Variants in FER1L6 observed in about 807,000 individuals in gnomAD.
FER1L6 encodes fer-1-like protein 6.
A neutral mutation model predicts 219.2 loss-of-function variants in FER1L6; 177 were observed. The observed-to-expected ratio is 0.81, with a 90% CI of 0.71 to 0.91. The LOEUF (loss-of-function observed/expected upper bound fraction) is 0.91. Ranked by LOEUF, FER1L6 falls within the 40% of genes least tolerant of loss-of-function variation. The pLI, the probability that FER1L6 is intolerant of heterozygous loss-of-function variation, is 0.00. For synonymous variants in FER1L6, 768 were observed against 824.3 expected, an observed-to-expected ratio of 0.93 and a Z score of 1.17; for missense variants, 2,153 against 2,259.9, an observed-to-expected ratio of 0.95 and a Z score of 0.96.
At chr8:123,949,869 G>A (rs1222025866) in intron 1 of FER1L6, among the ~76,000 whole-genome samples, 3 of 152,172 alleles carry the variant, frequency 2.0e-5, no homozygotes, top group African/African-American at 7.2e-5. Context: ...CAATATATGG[G>A]AGGAAGAAGG....
chr8:124,106,867 T>C (rs998105256), intron 39 of FER1L6, among the ~76,000 whole-genome samples: 2 of 152,112 alleles, frequency 1.3e-5, no homozygotes, highest in African/African-American at 4.8e-5. Context: ...TAGCACATAA[T>C]ACTCAAATAT....
chr8:123,900,910 T>G (rs1812844545), intron 1 of FER1L6, among the ~76,000 whole-genome samples: 1 of 152,184 alleles, frequency 6.6e-6, no homozygotes, highest in South Asian at 2.1e-4. Context: ...TAGCTAGTAT[T>G]TTGTTAAGGA....
intron 39 of FER1L6, among the ~76,000 whole-genome samples, chr8:124,107,629 G>A (rs1309299028): frequency 2.6e-5 from 4 of 152,116 alleles, no homozygotes; most frequent in Non-Finnish European, 5.9e-5. Flanking sequence ...CAGAGCCTAG[G>A]TATGTCAGGT....
chr8:124,039,621 G>T (rs1327485432), intron 19 of FER1L6, among the ~76,000 whole-genome samples: 2 of 152,150 alleles, frequency 1.3e-5, no homozygotes, highest in South Asian at 2.1e-4. Context: ...ATGCTATTTC[G>T]CATGGTTTTA....
At chr8:123,998,792 T>C (rs1817266057) in intron 12 of FER1L6, among the ~76,000 whole-genome samples, 1 of 152,164 alleles carries the variant, frequency 6.6e-6, no homozygotes, top group African/African-American at 2.4e-5. Context: ...TTCTTTCCAC[T>C]CTTCTCTCTC....
At chr8:124,015,571 C>CTATATATA (rs781161909) in intron 15 of FER1L6, among the ~76,000 whole-genome samples, 485 of 43,184 alleles carry the variant, frequency 0.011, 13 homozygotes, top group Non-Finnish European at 0.018. Flanking sequence ...ATTATAAAAG[C>CTATATATA]TATATATATA....
intron 1 of FER1L6, among the ~76,000 whole-genome samples, chr8:123,855,689 G>A (rs1403433801): frequency 1.9e-5 from 2 of 106,014 alleles, no homozygotes; most frequent in Non-Finnish European, 3.7e-5. Flanking sequence ...ATATGTGTGT[G>A]TGTGTGTGTG....
At chr8:124,074,523 A>G (rs1563783481) in intron 31 of FER1L6, among the ~76,000 whole-genome samples, 1 of 151,718 alleles carries the variant, frequency 6.6e-6, no homozygotes, top group Non-Finnish European at 1.5e-5. Flanking sequence ...GTGGTGGCTC[A>G]TGCCTGTAGT....
intron 35 of FER1L6, among the ~76,000 whole-genome samples, chr8:124,095,564 G>C (rs1282362490): frequency 6.6e-6 from 1 of 152,212 alleles, no homozygotes; most frequent in African/African-American, 2.4e-5. Flanking sequence ...TACCTAGAGA[G>C]CTGGGCTAGG....
At chr8:123,905,924 A>T (rs190742581) in intron 1 of FER1L6, among the ~76,000 whole-genome samples, 523 of 152,310 alleles carry the variant, frequency 3.4e-3, no homozygotes, top group South Asian at 7.2e-3. Context: ...ACATAAAGCA[A>T]TACGGGGTTT....
chr8:124,029,666 C>T (rs1818872342), intron 18 of FER1L6, among the ~76,000 whole-genome samples: 1 of 151,968 alleles, frequency 6.6e-6, no homozygotes, highest in Admixed American at 6.6e-5. Flanking sequence ...GGATATTAGA[C>T]CTTTGTCAGA....
intron 12 of FER1L6, among the ~76,000 whole-genome samples, chr8:123,990,949 A>G (rs1816829554): frequency 1.3e-5 from 2 of 152,172 alleles, no homozygotes; most frequent in African/African-American, 4.8e-5. Flanking sequence ...TTTTCCTAGC[A>G]CCATTTATTA....
chr8:123,970,057 G>A lies in FER1L6; in HGVS notation c.407G>A (p.Gly136Glu), dbSNP rs1815729754. ...CAGTACTTTGTCTTCGACTTCATTG[G>A]GCCCCAAGTGCATCTTTTTGACAAG... Reference protein sequence around the residue: ...YNEYFVFDFIGPQVHLFDKII... With the variant: ...YNEYFVFDFIEPQVHLFDKII... Residue 136 changes from glycine to glutamate, a missense_variant, in exon 6 of 41, where the codon GGG (glycine) becomes GAG (glutamate). By Grantham distance (98) the Gly-to-Glu change is moderately conservative. Transcript: ENST00000522917. 1 of 1,613,890 alleles carries A rather than the reference G, an allele frequency of 6.2e-7. No homozygotes were observed. The highest frequency in any genetic ancestry group is 1.1e-5 in the South Asian group (1 of 91,054).
At chr8:124,002,580 G>A (rs1462759325) in intron 12 of FER1L6, among the ~76,000 whole-genome samples, 2 of 152,120 alleles carry the variant, frequency 1.3e-5, no homozygotes, top group African/African-American at 4.8e-5. Context: ...TATGCCTGCA[G>A]TGAATATCTA....
intron 1 of FER1L6, among the ~76,000 whole-genome samples, chr8:123,906,148 C>G (rs1411297030): frequency 6.6e-6 from 1 of 152,178 alleles, no homozygotes; most frequent in African/African-American, 2.4e-5. Context: ...TGACCCTTGG[C>G]CCAACTGTAG....
At chr8:124,013,593 C>A in intron 15 of FER1L6, 62 bp downstream of exon 15, 1 of 1,174,376 alleles carries the variant, frequency 8.5e-7, no homozygotes, top group Non-Finnish European at 1.2e-6. Flanking sequence ...CTTTTAATTA[C>A]CTTGAGAAAG....
At chr8:123,868,433 A>C (rs1016607720) in intron 1 of FER1L6, among the ~76,000 whole-genome samples, 6 of 152,198 alleles carry the variant, frequency 3.9e-5, no homozygotes, top group Admixed American at 2.0e-4. Flanking sequence ...GAGTCAGTTC[A>C]AGAGAGCTCT....
At chr8:123,871,036 G>C (rs774749147) in intron 1 of FER1L6, among the ~76,000 whole-genome samples, 2 of 152,268 alleles carry the variant, frequency 1.3e-5, no homozygotes, top group Non-Finnish European at 2.9e-5. Flanking sequence ...GAATACTTAA[G>C]TAAATGAATG....
intron 1 of FER1L6, among the ~76,000 whole-genome samples, chr8:123,873,479 A>G (rs767163080): frequency 4.0e-5 from 6 of 151,790 alleles, no homozygotes; most frequent in Non-Finnish European, 5.9e-5. Context: ...TCCACTTAAC[A>G]TCTCGTATTA....
Sources: allele counts gnomAD v4.1 joint callset (sites outside exome capture counted in the v4.1 genomes callset), GRCh38; gene constraint gnomAD v4.1.1; transcripts MANE v1.5; gene names NCBI Gene and HGNC (gene_info 2026-07-23, HGNC 2026-07-21).